Variants in XKR9 observed in about 807,000 individuals in gnomAD.
The protein encoded by XKR9 is XK related 9.
Under a neutral mutation model 32.0 loss-of-function variants are expected in XKR9, and 32 were observed. The ratio of observed to expected loss-of-function variants is 1.00; its 90% confidence interval spans 0.76 to 1.34. The LOEUF (loss-of-function observed/expected upper bound fraction) is 1.34, where lower values mean the gene tolerates loss of function less well. XKR9 is among the 40% of genes most tolerant of loss of function. The pLI is 0.00. For synonymous variants in XKR9, 168 were observed against 143.4 expected, an observed-to-expected ratio of 1.17 and a Z score of -1.22; for missense variants, 546 against 429.7, an observed-to-expected ratio of 1.27 and a Z score of -2.39.
the XKR9 span, among the ~76,000 whole-genome samples, chr8:70,945,911 C>G: frequency 6.6e-6 from 1 of 152,114 alleles, no homozygotes. Flanking sequence ...CCGAGGTGGA[C>G]GGATCACGAT....
the XKR9 span, among the ~76,000 whole-genome samples, chr8:70,824,723 G>GGC: frequency 6.6e-6 from 1 of 151,948 alleles, no homozygotes; most frequent in Non-Finnish European, 1.5e-5. Flanking sequence ...TTTACCCTAG[G>GGC]AACATTGGGA....
At chr8:70,747,942 C>T (rs1230978321) in intron 2 of XKR9, among the ~76,000 whole-genome samples, 3 of 151,900 alleles carry the variant, frequency 2.0e-5, no homozygotes, top group African/African-American at 7.3e-5. Context: ...CAGTGAGATA[C>T]TATATGTGAT....
At chr8:70,785,566 CT>C (rs112823069) in intron 2 of XKR9, among the ~76,000 whole-genome samples, 1 of 149,428 alleles carries the variant, frequency 6.7e-6, no homozygotes, top group East Asian at 2.0e-4. Context: ...TTAGTTTCTT[CT>C]TTTTTTATAG....
intron 3 of XKR9, among the ~76,000 whole-genome samples, chr8:70,683,032 C>A (rs532240233): frequency 6.6e-6 from 1 of 152,282 alleles, no homozygotes; most frequent in East Asian, 1.9e-4. Context: ...TTTGCTTGGG[C>A]AGAATCCAGG....
At chr8:70,846,340 C>CCAT in the XKR9 span, among the ~76,000 whole-genome samples, 4 of 151,900 alleles carry the variant, frequency 2.6e-5, no homozygotes, top group East Asian at 7.7e-4. Context: ...ATGATATATA[C>CCAT]CATCATAAAA....
chr8:70,961,423 A>C, the XKR9 span, among the ~76,000 whole-genome samples: 38 of 152,346 alleles, frequency 2.5e-4, no homozygotes, highest in Middle Eastern at 6.8e-3. Flanking sequence ...TGGCAGAGCC[A>C]TGAATGCCAG....
At chr8:70,778,172 G>C (rs912487096) in intron 2 of XKR9, among the ~76,000 whole-genome samples, 6 of 152,118 alleles carry the variant, frequency 3.9e-5, no homozygotes, top group Non-Finnish European at 7.4e-5. Context: ...TTCTACATAT[G>C]GCTACCCAGT....
the XKR9 span, among the ~76,000 whole-genome samples, chr8:71,059,068 G>C: frequency 6.6e-6 from 1 of 152,196 alleles, no homozygotes; most frequent in East Asian, 1.9e-4. Context: ...TGCCTTTCCT[G>C]TTTGACTTAA....
chr8:70,812,893 A>G, the XKR9 span, among the ~76,000 whole-genome samples: 1 of 152,234 alleles, frequency 6.6e-6, no homozygotes, highest in Non-Finnish European at 1.5e-5. Context: ...ATTCAATGTC[A>G]TCCCCATCAA....
At chr8:71,053,634 GGTAA>G in the XKR9 span, among the ~76,000 whole-genome samples, 1 of 95,432 alleles carries the variant, frequency 1.0e-5, no homozygotes, top group African/African-American at 4.8e-5. Context: ...CTGAGTTTGT[GGTAA>G]GTAATACCTT....
At chr8:70,978,203 G>A in the XKR9 span, among the ~76,000 whole-genome samples, 11 of 152,148 alleles carry the variant, frequency 7.2e-5, no homozygotes, top group Admixed American at 3.3e-4. Context: ...GCCAGTCTGT[G>A]TCTTTTAACT....
chr8:70,763,885 AT>A (rs1159111556), intron 2 of XKR9, among the ~76,000 whole-genome samples: 1 of 152,206 alleles, frequency 6.6e-6, no homozygotes, highest in Non-Finnish European at 1.5e-5. Flanking sequence ...TAGGCAATAT[AT>A]TGGCATCTGC....
chr8:70,957,783 C>CTTTTTT, the XKR9 span, among the ~76,000 whole-genome samples: 139 of 84,778 alleles, frequency 1.6e-3, 3 homozygotes, highest in Non-Finnish European at 2.4e-3. Context: ...TTCAGTCTAT[C>CTTTTTT]TTTTTTTTTT....
At chr8:70,742,708 T>G (rs1280078213) in intron 2 of XKR9, among the ~76,000 whole-genome samples, 2 of 152,120 alleles carry the variant, frequency 1.3e-5, no homozygotes, top group African/African-American at 4.8e-5. Flanking sequence ...CCTTTAAGTG[T>G]TTTAAAGACA....
the XKR9 span, among the ~76,000 whole-genome samples, chr8:70,978,201 G>T: frequency 6.6e-6 from 1 of 152,132 alleles, no homozygotes; most frequent in Non-Finnish European, 1.5e-5. Context: ...TTGCCAGTCT[G>T]TGTCTTTTAA....
rs1157334783 is a variant in XKR9, at chr8:70,776,941, C to A, written n.353-12398C>A. Among the ~76,000 whole-genome samples, 139 of 31,458 alleles carry A rather than the reference C, an allele frequency of 4.4e-3. 1 individual carries two copies. Among genetic ancestry groups the A allele is most frequent in the Non-Finnish European group, 7.2e-3 (118 of 16,360 alleles). The allele number at this position is 31,458 out of a possible 152,430, so 20.6% of individuals were successfully genotyped here. ...TCTTTCTTTCTCTCTCTCTCTCTCT[C>A]TCTCTCTATATATATATATATATGT... is the stretch of plus-strand genomic sequence containing the variant. On this transcript the variant is annotated intron_variant and non_coding_transcript_variant, in intron 2 of 3. Transcript: ENST00000520273.
At chr8:70,822,554 ATATAAT>A in the XKR9 span, among the ~76,000 whole-genome samples, 1 of 150,650 alleles carries the variant, frequency 6.6e-6, no homozygotes, top group African/African-American at 2.4e-5. Context: ...GTTTATAATA[ATATAAT>A]TATAAATAAT....
chr8:70,830,428 AAAAG>A, the XKR9 span, among the ~76,000 whole-genome samples: 2 of 151,968 alleles, frequency 1.3e-5, no homozygotes, highest in African/African-American at 4.8e-5. Flanking sequence ...AAAAAAAAAA[AAAAG>A]AAATATCAGC....
chr8:71,046,978 G>T, the XKR9 span, among the ~76,000 whole-genome samples: 2 of 152,270 alleles, frequency 1.3e-5, no homozygotes, highest in African/African-American at 4.8e-5. Context: ...GGTCTGTTTT[G>T]TTATGAAGCA....
Sources: allele counts gnomAD v4.1 joint callset (sites outside exome capture counted in the v4.1 genomes callset), GRCh38; gene constraint gnomAD v4.1.1; transcripts MANE v1.5; gene names NCBI Gene and HGNC (gene_info 2026-07-23, HGNC 2026-07-21).